Variants in B9D1 observed in about 807,000 individuals in gnomAD.
B9D1 encodes the protein B9 domain containing 1.
In B9D1, 20 loss-of-function variants were observed where a neutral mutation model predicts 26.1. That is an observed-to-expected ratio of 0.77 (90% CI 0.54 to 1.12). The LOEUF is 1.12. Ranked by LOEUF, B9D1 falls within the 50% of genes most tolerant of loss-of-function variation. B9D1 has a pLI of 0.00. For synonymous variants in B9D1, 105 were observed against 103.1 expected (o/e 1.02, Z -0.11); for missense variants, 260 against 273.7 (o/e 0.95, Z 0.35).
At chr17:19,357,502 G>A (rs1910504272) in intron 3 of B9D1, 1 of 395,066 alleles carries the variant, frequency 2.5e-6, no homozygotes, top group African/African-American at 2.1e-5. Context: ...GCCATGGGAA[G>A]TCAGCAGGCA....
At chr17:19,356,502 A>G (rs540235127) in intron 3 of B9D1, among the ~76,000 whole-genome samples, 13 of 152,298 alleles carry the variant, frequency 8.5e-5, no homozygotes, top group African/African-American at 2.9e-4. Flanking sequence ...AATCCCTGTG[A>G]GGCTGCTCTG....
In B9D1 at chr17:19,352,915, G is replaced by A. The variant is rs564910787; in HGVS notation, c.244+4925C>T. On this transcript the variant is annotated intron_variant, in intron 3 of 6. Coordinates refer to ENST00000261499, the MANE Select transcript of B9D1 (RefSeq NM_015681.6). ...ACTCCTGACATCAGGTGATCCACCC[G>A]TTTTGGCCTCCGAAAGTGCTGGGAT... 1.1e-3 allele frequency among the ~76,000 whole-genome samples: 160 copies of A among 150,832 alleles called. 1 individual carries two copies. Among genetic ancestry groups the A allele is most frequent in the Non-Finnish European group, 2.1e-3 (141 of 67,814 alleles).
chr17:19,343,107 G>A, downstream of B9D1: 1 of 1,422,692 alleles, frequency 7.0e-7, no homozygotes, highest in Non-Finnish European at 9.1e-7. Flanking sequence ...GGCCAGGAAA[G>A]GCCCAAGAGC....
Position 19,343,216 on chromosome 17 carries a change from GC to G in B9D1, c.*102del, listed in dbSNP as rs1296358496. ...TTTATTATACAAAACTATTCTGTGT[GC>G]CCCCAGCTCTGGCCACCAGGCTGCC... On this transcript the variant is annotated 3_prime_UTR_variant, in exon 7 of 7. Transcript: ENST00000261499. The G allele has an allele frequency of 6.3e-7, 1 of 1,577,920 alleles. No homozygotes were observed. Among genetic ancestry groups the G allele is most frequent in the Non-Finnish European group, 8.6e-7 (1 of 1,166,766 alleles).
At position 19,372,935 on chromosome 17, in the gene B9D1, C is replaced by T. The variant is rs1043823490; in HGVS notation, c.-298+4924G>A. Among the ~76,000 whole-genome samples, 6 of 152,332 alleles carry T rather than the reference C, an allele frequency of 3.9e-5. No individual in the cohort carries two copies. In the East Asian group the frequency reaches 1.2e-3, roughly 29 times the overall value. On this transcript the variant is annotated intron_variant, in intron 1 of 5. Transcript: ENST00000477478. This position sits in a 1 kb window ranked among gnomAD's most constrained non-coding sequence, Gnocchi z 4.4. Reference sequence around the variant, plus strand: ...CACATCTATTATTTCTGCTGACCCACGTCCATCCACCTTCCTGAAAACTCA... The same window carrying T: ...CACATCTATTATTTCTGCTGACCCATGTCCATCCACCTTCCTGAAAACTCA...
rs76305937 is a variant in B9D1, at chr17:19,369,705, C to T, written c.-298+8154G>A. On this transcript the variant is annotated intron_variant, in intron 1 of 5. Transcript: ENST00000477478. The stretch of plus-strand genomic sequence containing the variant: ...AAAAATACAGGATGCATGCACTACT[C>T]GGGACATACCTAACTAAAGAATTAT... 6.6e-3 allele frequency among the ~76,000 whole-genome samples: 998 copies of T among 152,228 alleles called. 51 individuals are homozygous for T. In the East Asian group the frequency reaches 0.12, roughly 18 times the overall value.
At chr17:19,342,990 C>T, downstream of B9D1, 1 of 893,658 alleles carries the variant, frequency 1.1e-6, no homozygotes, top group South Asian at 2.6e-5. Flanking sequence ...GTGGCAGAAC[C>T]TGGTTATGTC....
intron 6 of B9D1, 89 bp downstream of exon 6, chr17:19,343,701 C>T (rs1232231547): frequency 6.2e-7 from 1 of 1,612,822 alleles, no homozygotes; most frequent in African/African-American, 1.3e-5. Context: ...CCTGGCAGGT[C>T]CCCGGCATTC....
intron 1 of B9D1, among the ~76,000 whole-genome samples, chr17:19,373,650 C>T (rs1311205045): frequency 1.3e-5 from 2 of 152,136 alleles, no homozygotes; most frequent in African/African-American, 2.4e-5. Flanking sequence ...CCACCTGCCG[C>T]GGACTCCCAA....
chr17:19,376,412 C>G (rs2152286689), intron 1 of B9D1, among the ~76,000 whole-genome samples: 1 of 152,098 alleles, frequency 6.6e-6, no homozygotes, highest in African/African-American at 2.4e-5. Context: ...GACCTTAAGT[C>G]TGATAAGAAA....
downstream of B9D1, chr17:19,336,804 G>A (rs1391944510): frequency 6.6e-6 from 1 of 152,558 alleles, no homozygotes; most frequent in Non-Finnish European, 1.5e-5. Flanking sequence ...CGATTCTTGT[G>A]GAGCTTGGTC....
At chr17:19,337,643 C>T, downstream of B9D1, 1 of 1,403,214 alleles carries the variant, frequency 7.1e-7, no homozygotes, top group Non-Finnish European at 9.7e-7. Context: ...ATCTCCAGGT[C>T]TCAGCGGCTT....
At chr17:19,364,912 C>T (rs369228028), upstream of B9D1, among the ~76,000 whole-genome samples, 7 of 152,340 alleles carry the variant, frequency 4.6e-5, no homozygotes, top group East Asian at 7.7e-4. The surrounding 1 kb of genome is among the most constrained non-coding windows in gnomAD (Gnocchi z 4.3). Context: ...CAGGTGTCAG[C>T]GCCAGCCCTC....
downstream of B9D1, among the ~76,000 whole-genome samples, chr17:19,338,308 G>A (rs1220071668): frequency 1.3e-5 from 2 of 152,188 alleles, no homozygotes; most frequent in Admixed American, 1.3e-4. Flanking sequence ...GGCCTTTTTT[G>A]TATTCCCTTG....
At chr17:19,375,768 G>A (rs932098508) in intron 1 of B9D1, among the ~76,000 whole-genome samples, 1 of 152,186 alleles carries the variant, frequency 6.6e-6, no homozygotes, top group Non-Finnish European at 1.5e-5. Context: ...TGTTGGTGAG[G>A]ATGTGGAGAA....
downstream of B9D1, among the ~76,000 whole-genome samples, chr17:19,340,642 G>A (rs1398468306): frequency 1.3e-5 from 2 of 151,584 alleles, no homozygotes; most frequent in Non-Finnish European, 2.9e-5. Context: ...ACAAAAATTA[G>A]CCAGCTTCAG....
At chr17:19,338,877 G>A (rs927976834), downstream of B9D1, among the ~76,000 whole-genome samples, 2 of 152,248 alleles carry the variant, frequency 1.3e-5, no homozygotes, top group Admixed American at 6.5e-5. Context: ...GTAGGATCAT[G>A]AGTGATAAAT....
intron 3 of B9D1, among the ~76,000 whole-genome samples, chr17:19,349,978 G>A (rs1050577894): frequency 3.3e-5 from 5 of 152,216 alleles, no homozygotes; most frequent in African/African-American, 1.2e-4. Context: ...AGACCAGGCT[G>A]GCGGGCGCCT....
chr17:19,374,683 A>G, intron 1 of B9D1, among the ~76,000 whole-genome samples: 1 of 152,202 alleles, frequency 6.6e-6, no homozygotes, highest in African/African-American at 2.4e-5. Flanking sequence ...TATATTCGTA[A>G]AGGAATATCA....
Sources: allele counts gnomAD v4.1 joint callset (sites outside exome capture counted in the v4.1 genomes callset), GRCh38; gene constraint gnomAD v4.1.1; non-coding constraint Gnocchi (gnomAD v3.1); transcripts MANE v1.5; gene names NCBI Gene and HGNC (gene_info 2026-07-23, HGNC 2026-07-21).